GLT8D1: variants seen among roughly 807,000 people sequenced by gnomAD.
GLT8D1 encodes the protein glycosyltransferase 8 domain-containing protein 1.
In GLT8D1, 41 loss-of-function variants were observed where a neutral mutation model predicts 46.2. That is an observed-to-expected ratio of 0.89 (90% CI 0.69 to 1.15). The LOEUF (loss-of-function observed/expected upper bound fraction) is 1.15. Ranked by LOEUF, GLT8D1 falls within the 50% of genes most tolerant of loss-of-function variation. The pLI is 0.00. For synonymous variants in GLT8D1, 150 were observed against 154.2 expected (o/e 0.97, Z 0.20); for missense variants, 408 against 449.3 (o/e 0.91, Z 0.83).
At chr3:52,702,619 C>T (rs1212087818) in intron 1 of GLT8D1, among the ~76,000 whole-genome samples, 1 of 151,976 alleles carries the variant, frequency 6.6e-6, no homozygotes, top group Non-Finnish European at 1.5e-5. Context: ...ATAATCCCAA[C>T]TATTCAGGTG....
intron 6 of GLT8D1, 27 bp downstream of exon 6, chr3:52,696,207 C>G (rs1362191220): frequency 6.9e-7 from 1 of 1,453,960 alleles, no homozygotes. Flanking sequence ...GGGTGGAGAA[C>G]AGCACTCATG....
At chr3:52,701,046 CAG>C (rs1444724004) in intron 1 of GLT8D1, among the ~76,000 whole-genome samples, 2 of 152,116 alleles carry the variant, frequency 1.3e-5, no homozygotes, top group Non-Finnish European at 2.9e-5. Flanking sequence ...GCCTGGGCGA[CAG>C]AGTGAGACTC....
At chr3:52,704,185 G>A (rs912021875) in intron 1 of GLT8D1, among the ~76,000 whole-genome samples, 2 of 151,872 alleles carry the variant, frequency 1.3e-5, no homozygotes, top group African/African-American at 4.8e-5. Context: ...CTGGCCGGGC[G>A]CGGTGGCTCA....
intron 8 of GLT8D1, 39 bp downstream of exon 8, chr3:52,695,382 T>TACA (rs1228400590): frequency 6.3e-6 from 10 of 1,590,166 alleles, no homozygotes; most frequent in Admixed American, 5.1e-5. Flanking sequence ...GGAATTGAAA[T>TACA]ACAACAGTTT....
intron 7 of GLT8D1, 110 bp downstream of exon 7, chr3:52,695,818 G>T: frequency 1.4e-6 from 1 of 695,408 alleles, no homozygotes; most frequent in South Asian, 1.8e-5. Context: ...CTTGAGTTTT[G>T]GGATGAAATG....
At chr3:52,697,341 T>C (rs965242190) in intron 4 of GLT8D1, among the ~76,000 whole-genome samples, 5 of 152,222 alleles carry the variant, frequency 3.3e-5, no homozygotes, top group African/African-American at 9.6e-5. Context: ...TACCTTGCCA[T>C]TGTTGCTAAG....
At chr3:52,696,725 C>T in intron 4 of GLT8D1, 66 bp from the exon 5 acceptor site, 2 of 885,868 alleles carry the variant, frequency 2.3e-6, no homozygotes, top group Non-Finnish European at 3.7e-6. Context: ...GGGAATAATG[C>T]AAAAGAAACC....
Position 52,696,683 on chromosome 3 carries a change from T to G in GLT8D1, c.330-24A>C, listed in dbSNP as rs56156188. ...ACCTGATGAAGATAAAACACTACAT[T>G]TTAGTTTCAAATAATGTCTCCAAAC... On this transcript the variant is annotated intron_variant, in intron 4 of 9. Transcript: ENST00000266014. 38,039 of 1,268,914 alleles carry G rather than the reference T, an allele frequency of 0.03. 1,910 individuals carry two copies. The highest frequency in any genetic ancestry group is 0.21 in the African/African-American group (14,438 of 67,924). The allele number at this position is 1,268,914 out of a possible 1,614,324, so 78.6% of individuals were successfully genotyped here.
At position 52,696,270 on chromosome 3, in the gene GLT8D1, T is replaced by C. The variant is rs777589034; in HGVS notation, c.496A>G (p.Lys166Glu). The C allele has an allele frequency of 2.4e-5, 38 of 1,612,526 alleles. No homozygotes were observed. Among genetic ancestry groups the C allele is most frequent in the Non-Finnish European group, 3.1e-5 (37 of 1,178,598 alleles). ...ACATCATCATCCATGTATATGGCCT[T>C]CTTTGCGCTGGGAACCAGAATTGGC... ...YLPILVPSAK[K>E]AIYMDDDVIV... is the part of the protein sequence containing the mutation. Residue 166 changes from lysine (K) to glutamate (E), a missense_variant, in exon 6 of 10, where the codon AAG (lysine) becomes GAG (glutamate). By Grantham distance (56) the Lys-to-Glu change is moderately conservative. Coordinates refer to ENST00000266014, the MANE Select transcript of GLT8D1 (RefSeq NM_018446.4).
At chr3:52,696,816 C>T (rs1388691655) in intron 4 of GLT8D1, among the ~76,000 whole-genome samples, 157 bp from the exon 5 acceptor site, 1 of 152,140 alleles carries the variant, frequency 6.6e-6, no homozygotes, top group Admixed American at 6.5e-5. Flanking sequence ...TAATTCCCAC[C>T]AAAGTCCCTC....
chr3:52,695,232 G>GTTGA lies in GLT8D1; in HGVS notation c.879_882dup (p.Gln295SerfsTer51). The GTTGA allele has an allele frequency of 6.2e-7, 1 of 1,613,844 alleles. No individual in the cohort carries two copies. The highest frequency in any genetic ancestry group is 8.5e-7 in the Non-Finnish European group (1 of 1,179,826). Reference sequence around the variant, plus strand: ...CACATAGGATCGATGGTAGAGTGCTGTTGATAAAATACGATAAGCAGAGGA... The same window carrying GTTGA: ...CACATAGGATCGATGGTAGAGTGCTGTTGATTGATAAAATACGATAAGCAGAGGA... On this transcript the variant is annotated frameshift_variant, in exon 9 of 10. Transcript: ENST00000266014. LOFTEE classifies it high-confidence loss of function.
chr3:52,698,005 A>G, intron 3 of GLT8D1, 71 bp from the exon 4 acceptor site: 1 of 919,074 alleles, frequency 1.1e-6, no homozygotes, highest in Non-Finnish European at 1.8e-6. Flanking sequence ...GACATGGAAA[A>G]AGGGAAGGTA....
intron 5 of GLT8D1, 33 bp from the exon 6 acceptor site, chr3:52,696,351 C>A (rs1320660012): frequency 7.2e-7 from 1 of 1,391,752 alleles, no homozygotes; most frequent in Admixed American, 1.7e-5. Flanking sequence ...GCATAGGATA[C>A]CGCACTAGCT....
At chr3:52,700,013 G>A (rs981398175) in intron 3 of GLT8D1, among the ~76,000 whole-genome samples, 2 of 152,216 alleles carry the variant, frequency 1.3e-5, no homozygotes, top group Non-Finnish European at 2.9e-5. Context: ...ACTAGAGCAG[G>A]CATCAAACAC....
At chr3:52,695,637 T>TA in intron 7 of GLT8D1, 50 bp from the exon 8 acceptor site, 1 of 1,054,382 alleles carries the variant, frequency 9.5e-7, no homozygotes, top group Non-Finnish European at 1.5e-6. Context: ...ACAAAATAGA[T>TA]ACAATTTTAT....
Position 52,705,779 on chromosome 3 carries a change from A to C in GLT8D1, c.-369T>G, listed in dbSNP as rs1433110575. ...GCGGTAACCGCTAGAGCGTCGCGCCAAGCAGGCGCCGCGGGGCAGCCCTGC... is the reference window on the plus strand; with the variant it reads ...GCGGTAACCGCTAGAGCGTCGCGCCCAGCAGGCGCCGCGGGGCAGCCCTGC... On this transcript the variant is annotated 5_prime_UTR_variant, in exon 1 of 10. Transcript: ENST00000266014. The C allele has an allele frequency of 1.6e-6, 2 of 1,212,792 alleles. No homozygotes were observed. Among genetic ancestry groups the C allele is most frequent in the Non-Finnish European group, 1.1e-6 (1 of 950,552 alleles). The allele number at this position is 1,212,792 out of a possible 1,614,324, so 75.1% of individuals were successfully genotyped here. A position where few individuals can be genotyped will look rare whatever the true frequency, so the allele number is the denominator to read the frequency against.
chr3:52,695,771 G>T, intron 7 of GLT8D1, 157 bp downstream of exon 7: 1 of 637,866 alleles, frequency 1.6e-6, no homozygotes, highest in South Asian at 2.0e-5. Context: ...GAACAATTAG[G>T]CTGTCAAGTC....
chr3:52,695,120 C>T (rs1209269272), intron 9 of GLT8D1, 70 bp downstream of exon 9: 1 of 1,420,486 alleles, frequency 7.0e-7, no homozygotes, highest in East Asian at 2.3e-5. Context: ...AAGAATATAC[C>T]CCATCCCTGA....
rs1042313173 is a variant in GLT8D1 at position 52,697,526 on chromosome 3, T to A, written c.329+195A>T. The A allele has an allele frequency of 6.9e-6, 4 of 583,332 alleles. No individual in the cohort carries two copies. In the Admixed American group the frequency reaches 1.2e-4, roughly 17 times the overall value. 36.1% of individuals were successfully genotyped at this position (583,332 alleles called of 1,614,324 possible). On this transcript the variant is annotated intron_variant, in intron 4 of 9. Transcript: ENST00000266014. ...TGACTTACTTCCTGGCATGAGCTCC[T>A]TGTATCACTTCTCCTATTATGGGGA...
Sources: allele counts gnomAD v4.1 joint callset (sites outside exome capture counted in the v4.1 genomes callset), GRCh38; gene constraint gnomAD v4.1.1; transcripts MANE v1.5; gene names NCBI Gene and HGNC (gene_info 2026-07-23, HGNC 2026-07-21).